Variants in NOTCH1 observed in about 807,000 individuals in gnomAD.
NOTCH1 encodes the protein notch receptor 1, also known as neurogenic locus notch homolog protein 1.
Under a neutral mutation model 254.8 loss-of-function variants are expected in NOTCH1, and 37 were observed. The observed-to-expected ratio is 0.15, with a 90% CI of 0.11 to 0.19. NOTCH1 has a LOEUF of 0.19. NOTCH1 is among the 10% of genes least tolerant of loss of function. NOTCH1 has a pLI of 1.00. For missense variants in NOTCH1, 2,972 were observed against 3,708.6 expected (o/e 0.80, Z 5.16); for synonymous variants, 1,731 against 1,618.1 (o/e 1.07, Z -1.68).
Position 136,504,979 on chromosome 9 carries a change from G to A in NOTCH1, c.4712C>T (p.Ala1571Val), listed in dbSNP as rs2133337266. ...CAEHVPERLA[A>V]GTLVVVVLMP... ...CAGCACCACCACCACCAGCGTGCCG[G>A]CCGCCAGCCTCTCGGGTACATGCTC... The change falls in exon 26 of 34, where the codon GCC (alanine) becomes GTC (valine). Residue 1571 changes from alanine to valine, a missense_variant. By Grantham distance (64) the Ala-to-Val change is moderately conservative. Around this residue, in one of 8 missense-constraint regions of NOTCH1, gnomAD observed 1,343 missense variants for 1,557.0 expected, o/e 0.86. Transcript: ENST00000651671. The A allele has an allele frequency of 6.3e-7, 1 of 1,589,128 alleles. No individual in the cohort carries two copies. Among genetic ancestry groups the A allele is most frequent in the Non-Finnish European group, 8.5e-7 (1 of 1,170,130 alleles).
chr9:136,494,596 C>A lies in NOTCH1; in HGVS notation c.*1475G>T, dbSNP rs138713877. 6 of 398,870 alleles carry A rather than the reference C, an allele frequency of 1.5e-5. No individual in the cohort carries two copies. Among genetic ancestry groups the A allele is most frequent in the Middle Eastern group, 6.2e-4 (1 of 1,610 alleles). 24.7% of individuals were successfully genotyped at this position (398,870 alleles called of 1,614,324 possible). A position where few individuals can be genotyped will look rare whatever the true frequency, so the allele number is the denominator to read the frequency against. On this transcript the variant is annotated 3_prime_UTR_variant, in exon 34 of 34. Transcript: ENST00000651671. The stretch of plus-strand genomic sequence containing the variant: ...CACAGTAAAAATCAACATCTTGGGA[C>A]GCATCTGGTCATGCCCCCTGGGGAT...
intron 22 of NOTCH1, 150 bp downstream of exon 22, chr9:136,507,155 T>C: frequency 1.3e-6 from 2 of 1,484,658 alleles, no homozygotes; most frequent in South Asian, 2.4e-5. Flanking sequence ...GCCCTTTCCC[T>C]GGGCAGCTGT....
At chr9:136,503,016 G>T in intron 27 of NOTCH1, 166 bp downstream of exon 27, 1 of 992,900 alleles carries the variant, frequency 1.0e-6, no homozygotes. Context: ...GCCGCAGGTG[G>T]GGGCGGAGTG....
chr9:136,536,034 G>C (rs910127637), intron 2 of NOTCH1, among the ~76,000 whole-genome samples: 14 of 152,104 alleles, frequency 9.2e-5, no homozygotes, highest in Middle Eastern at 6.8e-3. Context: ...ACGGGTACAG[G>C]GTAGGGGGGC....
rs112900950 is a variant in NOTCH1, at chr9:136,506,953, C to T, written c.3664G>A (p.Val1222Met). The T allele has an allele frequency of 3.7e-5, 59 of 1,609,204 alleles. No individual in the cohort carries two copies. The highest frequency in any genetic ancestry group is 1.3e-4 in the African/African-American group (10 of 74,912). Residue 1222 changes from valine (V) to methionine (M), a missense_variant, in exon 23 of 34, where the codon GTG becomes ATG. This residue lies in a region of NOTCH1 where 1,343 missense variants were observed against 1,557.0 expected (regional missense o/e 0.86). Coordinates refer to ENST00000651671, the MANE Select transcript of NOTCH1 (RefSeq NM_017617.5). The surrounding 1 kb of genome is among the most constrained non-coding windows in gnomAD (Gnocchi z 4.5). ...GTQGVHCEIN[V>M]DDCNPPVDPV... ...TCAACGGGGGGATTGCAGTCGTCCA[C>T]GTTGATCTCACAGTGCACACCTGCG...
chr9:136,503,717 G>C (rs1843035573), intron 26 of NOTCH1, among the ~76,000 whole-genome samples: 1 of 152,222 alleles, frequency 6.6e-6, no homozygotes, highest in African/African-American at 2.4e-5. Context: ...GGTGGGGGTG[G>C]GTGCAGCGGT....
intron 2 of NOTCH1, among the ~76,000 whole-genome samples, chr9:136,533,344 G>A (rs1465110464): frequency 2.0e-5 from 3 of 152,134 alleles, no homozygotes; most frequent in Admixed American, 6.5e-5. Flanking sequence ...AGCCGTCAGG[G>A]AAACCACACA....
intron 2 of NOTCH1, among the ~76,000 whole-genome samples, chr9:136,528,885 C>T (rs562487603): frequency 5.3e-5 from 8 of 152,268 alleles, no homozygotes; most frequent in East Asian, 1.9e-4. Context: ...CCAGGGAGCC[C>T]GTGGCCACGT....
At chr9:136,537,658 T>A (rs1376647493) in intron 2 of NOTCH1, among the ~76,000 whole-genome samples, 1 of 152,326 alleles carries the variant, frequency 6.6e-6, no homozygotes, top group South Asian at 2.1e-4. Context: ...TAGCTAGGCA[T>A]GGTGGTGCAC....
At chr9:136,499,030 A>G in intron 32 of NOTCH1, 34 bp from the exon 33 acceptor site, 1 of 1,612,622 alleles carries the variant, frequency 6.2e-7, no homozygotes, top group Non-Finnish European at 8.5e-7. Flanking sequence ...TAGGTTGGAG[A>G]CCAGCTGGAG....
chr9:136,513,054 C>A lies in NOTCH1; in HGVS notation c.2434G>T (p.Gly812Trp). 6.2e-7 allele frequency: 1 copy of A among 1,612,330 alleles called. No individual in the cohort carries two copies. Among genetic ancestry groups the A allele is most frequent in the Non-Finnish European group, 8.5e-7 (1 of 1,179,760 alleles). ...NQGTCIDDVAGYKCNCLLPYT... is the reference protein window; with the variant it reads ...NQGTCIDDVAWYKCNCLLPYT... ...GGCAGCAGGCAGTTGCACTTGTACCCGGCAACGTCGTCAATACACGTGCCC... is the reference window on the plus strand; with the variant it reads ...GGCAGCAGGCAGTTGCACTTGTACCAGGCAACGTCGTCAATACACGTGCCC... The change falls in exon 15 of 34, where the codon GGG (glycine) becomes TGG (tryptophan). Residue 812 changes from glycine to tryptophan, a missense_variant. Physicochemically the swap from Gly to Trp is radical, Grantham distance 184. This residue lies in a region of NOTCH1 where 1,343 missense variants were observed against 1,557.0 expected (regional missense o/e 0.86). Transcript: ENST00000651671. The surrounding 1 kb of genome is among the most constrained non-coding windows in gnomAD (Gnocchi z 4.7).
chr9:136,543,594 C>T (rs1013426583), intron 2 of NOTCH1: 3 of 357,816 alleles, frequency 8.4e-6, no homozygotes, highest in African/African-American at 2.1e-5. Context: ...GGAGGCATCA[C>T]CCCCGAGAGG....
Position 136,496,493 on chromosome 9 carries a change from G to A in NOTCH1, c.7246C>T (p.Gln2416Ter), listed in dbSNP as rs1564567815. 1 of 1,599,986 alleles carries A rather than the reference G, an allele frequency of 6.3e-7. No homozygotes were observed. The highest frequency in any genetic ancestry group is 1.7e-5 in the Admixed American group (1 of 59,892). The change falls in exon 34 of 34, where the codon CAG (glutamine) becomes TAG (stop). Residue 2416 changes from glutamine (Q) to a stop codon, truncating the protein, a stop_gained. Transcript: ENST00000651671. LOFTEE classifies it high-confidence loss of function. ...QSLQPPPPPP[Q>*]PHLGVSSAAS... ...GCTGAGCTCACGCCAAGGTGCGGCTGTGGTGGTGGTGGTGGCGGCTGCAGG... is the reference window on the plus strand; with the variant it reads ...GCTGAGCTCACGCCAAGGTGCGGCTATGGTGGTGGTGGTGGCGGCTGCAGG...
At position 136,522,984 on chromosome 9, in the gene NOTCH1, C is replaced by T. The variant is rs182763411; in HGVS notation, c.608G>A (p.Arg203His). The change falls in exon 4 of 34, where the codon CGC becomes CAC. Residue 203 changes from arginine to histidine, a missense_variant. Around this residue, in one of 8 missense-constraint regions of NOTCH1, gnomAD observed 374 missense variants for 496.3 expected, o/e 0.75. Coordinates refer to ENST00000651671, the MANE Select transcript of NOTCH1 (RefSeq NM_017617.5). Reference sequence around the variant, plus strand: ...AGTGTGGGTGGCGCGGCAGACGCAGCGGTAGGAGCCGACCTCGTTGTGGCA... The same window carrying T: ...AGTGTGGGTGGCGCGGCAGACGCAGTGGTAGGAGCCGACCTCGTTGTGGCA... ...GTCHNEVGSYRCVCRATHTGP... is the reference protein window; with the variant it reads ...GTCHNEVGSYHCVCRATHTGP... The T allele has an allele frequency of 9.9e-5, 154 of 1,558,714 alleles. 1 individual carries two copies. The Admixed American group carries it at 2.3e-3, about 23-fold the overall frequency.
intron 9 of NOTCH1, among the ~76,000 whole-genome samples, chr9:136,516,506 G>A (rs1162357623): frequency 1.3e-5 from 2 of 152,176 alleles, no homozygotes; most frequent in Non-Finnish European, 2.9e-5. Flanking sequence ...CCAGGCCCCT[G>A]AGAGTTCCTC....
chr9:136,497,380 C>G lies in NOTCH1; in HGVS notation c.6359G>C (p.Arg2120Pro), dbSNP rs766836819. The G allele has an allele frequency of 3.7e-6, 6 of 1,608,874 alleles. No homozygotes were observed. Among genetic ancestry groups the G allele is most frequent in the Admixed American group, 3.3e-5 (2 of 59,976 alleles). ...VRLLDEYNLV[R>P]SPQLHGAPLG... is the part of the protein sequence containing the mutation. ...CGGGGCTCCGTGCAGCTGCGGGCTG[C>G]GCACCAGGTTGTACTCGTCCAGCAG... The change falls in exon 34 of 34, where the codon CGC becomes CCC. Residue 2120 changes from arginine (R) to proline (P), a missense_variant. Transcript: ENST00000651671.
intron 2 of NOTCH1, among the ~76,000 whole-genome samples, chr9:136,530,387 G>A (rs1326729833): frequency 1.3e-5 from 2 of 152,250 alleles, no homozygotes; most frequent in African/African-American, 4.8e-5. Context: ...TGTCCTCCCG[G>A]GAAGCTACCT....
In NOTCH1 at chr9:136,511,049, A is replaced by G. The variant is rs9411206; in HGVS notation, c.2587+103T>C. The stretch of plus-strand genomic sequence containing the variant: ...GACCAGGGCCTCCTCAGCACCCACC[A>G]GCTCCTCTTCAAAGACTCATCTAGC... On this transcript the variant is annotated intron_variant, in intron 16 of 33. Transcript: ENST00000651671. 914,296 of 1,555,230 alleles carry G rather than the reference A, an allele frequency of 0.59. 276,304 individuals carry two copies. The highest frequency in any genetic ancestry group is 0.89 in the African/African-American group (66,022 of 73,958).
intron 2 of NOTCH1, among the ~76,000 whole-genome samples, chr9:136,535,313 C>T (rs1055633405): frequency 9.2e-5 from 14 of 152,146 alleles, no homozygotes; most frequent in Non-Finnish European, 2.1e-4. Flanking sequence ...GCAGGGCGTG[C>T]GGAGAGGGCC....
Sources: gnomAD v4.1 joint callset for allele counts (sites outside exome capture counted in the v4.1 genomes callset) on GRCh38, gnomAD v4.1.1 for gene constraint, gnomAD v4.1.1 regional missense constraint, Gnocchi (gnomAD v3.1) non-coding constraint, MANE v1.5 for transcripts, NCBI Gene and HGNC (gene_info 2026-07-23, HGNC 2026-07-21) for gene names.